Variants in UVRAG observed in about 807,000 individuals in gnomAD.
UVRAG encodes the protein UV radiation resistance-associated gene protein.
UVRAG carries 19 observed loss-of-function variants against 78.0 expected under a neutral mutation model. The observed-to-expected ratio is 0.24, with a 90% CI of 0.17 to 0.36. The LOEUF (loss-of-function observed/expected upper bound fraction) is 0.36. UVRAG is among the 10% of genes least tolerant of loss of function. The pLI is 1.00. For missense variants in UVRAG, 740 were observed against 853.8 expected (o/e 0.87, Z 1.66); for synonymous variants, 323 against 324.6 (o/e 1.00, Z 0.05).
chr11:76,013,298 A>G (rs1295907660), intron 11 of UVRAG, among the ~76,000 whole-genome samples: 1 of 152,156 alleles, frequency 6.6e-6, no homozygotes, highest in African/African-American at 2.4e-5. Context: ...TAAACCAGGA[A>G]TATTTATTAT....
Position 76,041,253 on chromosome 11 carries a change from T to G in UVRAG, c.1226+24273T>G, listed in dbSNP as rs982283690. Among the ~76,000 whole-genome samples the G allele has an allele frequency of 5.3e-5, 8 of 152,154 alleles. No individual in the cohort carries two copies. The East Asian group carries it at 1.5e-3, about 29-fold the overall frequency. On this transcript the variant is annotated intron_variant, in intron 12 of 14. Transcript: ENST00000356136. ...GCAATTGTGGAAGAAGCTACAGAAA[T>G]AAGAGTGCAAAAGCAGGGCTTGGAG...
chr11:75,828,441 C>T (rs1171748987), intron 1 of UVRAG, among the ~76,000 whole-genome samples: 10 of 127,456 alleles, frequency 7.8e-5, no homozygotes, highest in Non-Finnish European at 1.4e-4. Flanking sequence ...AGACCCCCAT[C>T]TCTAAAAAAA....
intron 12 of UVRAG, among the ~76,000 whole-genome samples, chr11:76,054,399 C>T (rs1950937976): frequency 6.6e-6 from 1 of 152,184 alleles, no homozygotes; most frequent in Admixed American, 6.5e-5. Flanking sequence ...TCTTTTCTTG[C>T]TCCCCTGCAG....
intron 2 of UVRAG, among the ~76,000 whole-genome samples, chr11:75,856,108 C>G (rs111308971): frequency 0.077 from 11,665 of 152,048 alleles, 1,466 homozygotes; most frequent in African/African-American, 0.26. Flanking sequence ...TCCTGCCTCA[C>G]CCTCCCGAGT....
intron 6 of UVRAG, among the ~76,000 whole-genome samples, chr11:75,958,168 G>A (rs898814646): frequency 6.6e-6 from 1 of 152,162 alleles, no homozygotes; most frequent in Admixed American, 6.5e-5. Flanking sequence ...CAGATTGGTG[G>A]TTACTGCAGG....
chr11:75,836,187 C>T (rs2135831060), intron 1 of UVRAG, among the ~76,000 whole-genome samples: 1 of 152,256 alleles, frequency 6.6e-6, no homozygotes, highest in East Asian at 1.9e-4. Context: ...TAAGCCTTTG[C>T]TACTCTGCAT....
At chr11:75,936,117 C>A (rs906271609) in intron 6 of UVRAG, among the ~76,000 whole-genome samples, 1 of 152,148 alleles carries the variant, frequency 6.6e-6, no homozygotes, top group Non-Finnish European at 1.5e-5. Context: ...AGAAGTAATG[C>A]GGAAGCAATA....
intron 6 of UVRAG, among the ~76,000 whole-genome samples, chr11:75,933,960 A>T (rs1237897062): frequency 6.6e-6 from 1 of 152,228 alleles, no homozygotes; most frequent in Non-Finnish European, 1.5e-5. Flanking sequence ...CAAAAAAACT[A>T]AAAACTGAGC....
chr11:75,876,322 C>T (rs1946778905), intron 3 of UVRAG, among the ~76,000 whole-genome samples: 1 of 152,178 alleles, frequency 6.6e-6, no homozygotes, highest in South Asian at 2.1e-4. Context: ...TTTACAATTG[C>T]CAGTGCTCTC....
intron 6 of UVRAG, among the ~76,000 whole-genome samples, chr11:75,952,191 T>C (rs575522129): frequency 6.6e-6 from 1 of 152,308 alleles, no homozygotes; most frequent in Non-Finnish European, 1.5e-5. Context: ...GTAGATTTCT[T>C]TGGATTTTTC....
intron 13 of UVRAG, among the ~76,000 whole-genome samples, chr11:76,113,254 CTA>C (rs1952113408): frequency 6.6e-6 from 1 of 152,040 alleles, no homozygotes; most frequent in Non-Finnish European, 1.5e-5. Flanking sequence ...AGGAAGGGAA[CTA>C]TGTGTGGGAG....
intron 12 of UVRAG, among the ~76,000 whole-genome samples, chr11:76,023,268 GA>G (rs932360757): frequency 2.0e-5 from 3 of 152,154 alleles, no homozygotes; most frequent in African/African-American, 7.2e-5. Context: ...AGCCAGAGGG[GA>G]AAGTGTAGGC....
chr11:75,886,013 T>C (rs1947069756), intron 4 of UVRAG, among the ~76,000 whole-genome samples: 1 of 152,126 alleles, frequency 6.6e-6, no homozygotes, highest in Non-Finnish European at 1.5e-5. Flanking sequence ...GGAATTAAAG[T>C]ATATACCATT....
chr11:76,046,404 A>G (rs1435724656), intron 12 of UVRAG, among the ~76,000 whole-genome samples: 1 of 152,202 alleles, frequency 6.6e-6, no homozygotes, highest in Non-Finnish European at 1.5e-5. Flanking sequence ...GGATTTAACC[A>G]TAGCAAGAGG....
chr11:75,850,980 T>G (rs1946142697), intron 1 of UVRAG, among the ~76,000 whole-genome samples: 1 of 152,200 alleles, frequency 6.6e-6, no homozygotes, highest in Non-Finnish European at 1.5e-5. Context: ...TGGACTTACC[T>G]CAGGAGAGTG....
At chr11:76,006,956 T>C (rs1949956963) in intron 9 of UVRAG, among the ~76,000 whole-genome samples, 1 of 152,148 alleles carries the variant, frequency 6.6e-6, no homozygotes, top group African/African-American at 2.4e-5. Flanking sequence ...CCTGCTAGAG[T>C]TGTTAGAATA....
intron 13 of UVRAG, among the ~76,000 whole-genome samples, chr11:76,100,355 T>C (rs1951857213): frequency 6.6e-6 from 1 of 152,146 alleles, no homozygotes; most frequent in African/African-American, 2.4e-5. Flanking sequence ...TGTTAAGGAC[T>C]AACCCCATTG....
intron 14 of UVRAG, among the ~76,000 whole-genome samples, chr11:76,120,490 A>G (rs190680032): frequency 6.6e-6 from 1 of 152,164 alleles, no homozygotes; most frequent in Admixed American, 6.5e-5. Flanking sequence ...TTGACTTTCC[A>G]GGCATAATTG....
intron 14 of UVRAG, among the ~76,000 whole-genome samples, chr11:76,138,541 C>T (rs12795313): frequency 6.6e-6 from 1 of 152,244 alleles, no homozygotes; most frequent in African/African-American, 2.4e-5. Context: ...CACCCTGTTC[C>T]TCTTGTGCGG....
Sources: allele counts gnomAD v4.1 joint callset (sites outside exome capture counted in the v4.1 genomes callset), GRCh38; gene constraint gnomAD v4.1.1; transcripts MANE v1.5; gene names NCBI Gene and HGNC (gene_info 2026-07-23, HGNC 2026-07-21).